Variants in GRIN2A observed in about 807,000 individuals in gnomAD.
GRIN2A encodes the protein glutamate receptor ionotropic, NMDA 2A.
A neutral mutation model predicts 113.4 loss-of-function variants in GRIN2A; 22 were observed. The ratio of observed to expected loss-of-function variants is 0.19; its 90% CI spans 0.14 to 0.28. The LOEUF is 0.28. Among genes scored for constraint, GRIN2A ranks in the 10% least tolerant of loss-of-function variants. The pLI, the probability that GRIN2A is intolerant of heterozygous loss-of-function variation, is 1.00. For synonymous variants in GRIN2A, 827 were observed against 738.4 expected (o/e 1.12, Z -1.94); for missense variants, 1,502 against 1,887.0 (o/e 0.80, Z 3.78).
chr16:9,891,576 C>T (rs931749677), intron 3 of GRIN2A, among the ~76,000 whole-genome samples: 3 of 152,158 alleles, frequency 2.0e-5, no homozygotes, highest in African/African-American at 7.2e-5. Context: ...TTCCCACCCT[C>T]AAGAAGTTTA....
chr16:10,043,682 A>C (rs1415427836), intron 2 of GRIN2A, among the ~76,000 whole-genome samples: 1 of 152,068 alleles, frequency 6.6e-6, no homozygotes, highest in African/African-American at 2.4e-5. Context: ...CACACAGCTT[A>C]GTGCTGAAGG....
At chr16:10,006,574 G>A (rs537352414) in intron 2 of GRIN2A, among the ~76,000 whole-genome samples, 204 of 152,056 alleles carry the variant, frequency 1.3e-3, no homozygotes, top group Non-Finnish European at 2.3e-3. Context: ...CATAATAATC[G>A]CATCAGGGTA....
intron 3 of GRIN2A, among the ~76,000 whole-genome samples, chr16:9,902,544 T>G (rs983714004): frequency 5.3e-5 from 8 of 152,212 alleles, no homozygotes; most frequent in African/African-American, 1.9e-4. Flanking sequence ...TTCTGCCATT[T>G]AAAAAAATAA....
chr16:9,942,990 A>G (rs2044923834), intron 2 of GRIN2A: 1 of 152,188 alleles, frequency 6.6e-6, no homozygotes, highest in South Asian at 2.1e-4. Context: ...TCCTAAGGTG[A>G]TTTTATGAAC....
At chr16:9,813,443 T>A (rs1284842518) in intron 10 of GRIN2A, among the ~76,000 whole-genome samples, 1 of 152,084 alleles carries the variant, frequency 6.6e-6, no homozygotes, top group Non-Finnish European at 1.5e-5. Context: ...TAAAAAGATG[T>A]AAAGTCCATC....
At chr16:10,014,687 G>C (rs755136509) in intron 2 of GRIN2A, among the ~76,000 whole-genome samples, 8 of 152,148 alleles carry the variant, frequency 5.3e-5, no homozygotes, top group Non-Finnish European at 1.2e-4. Flanking sequence ...CCCAGACAAA[G>C]GGAAACTCAT....
chr16:9,951,174 T>G (rs1430355379), intron 2 of GRIN2A, among the ~76,000 whole-genome samples: 2 of 152,110 alleles, frequency 1.3e-5, no homozygotes, highest in Non-Finnish European at 2.9e-5. Flanking sequence ...CTGGAAGCAA[T>G]GCATCCACAG....
intron 2 of GRIN2A, among the ~76,000 whole-genome samples, chr16:9,964,145 C>G (rs9926117): frequency 0.32 from 49,297 of 152,066 alleles, 8,558 homozygotes; most frequent in African/African-American, 0.4. Context: ...GAGGAGGCAA[C>G]AGCATCCTTG....
At chr16:9,889,754 A>AT (rs1243094068) in intron 4 of GRIN2A, among the ~76,000 whole-genome samples, 1 of 151,734 alleles carries the variant, frequency 6.6e-6, no homozygotes, top group Non-Finnish European at 1.5e-5. Flanking sequence ...ATATTTGGAG[A>AT]TTTTCTAGAT....
rs1191297706 is a variant in GRIN2A at position 9,829,651 on chromosome 16, T to C, written c.1779A>G (p.Ala593=). The change falls in exon 9 of 13, where the codon GCA becomes GCG. Residue 593 remains alanine, a splice_region_variant and synonymous_variant. Coordinates refer to ENST00000330684, the MANE Select transcript of GRIN2A (RefSeq NM_001134407.3). ...CAATTGTAAAAGAAGGCCCATGGGGTGCTGCAGAAGATGAAAAGGACATTC... is the reference window on the plus strand; with the variant it reads ...CAATTGTAAAAGAAGGCCCATGGGGCGCTGCAGAAGATGAAAAGGACATTC... The part of the protein sequence containing the change: ...GYNRNLAKGK[A]PHGPSFTIGK... 3 of 1,607,660 alleles carry C rather than the reference T, an allele frequency of 1.9e-6. No homozygotes were observed. The African/African-American group carries it at 4.0e-5, about 22-fold the overall frequency.
At chr16:10,109,735 T>A (rs899818495) in intron 2 of GRIN2A, among the ~76,000 whole-genome samples, 2 of 151,402 alleles carry the variant, frequency 1.3e-5, no homozygotes, top group South Asian at 4.2e-4. Context: ...TAACAAAAAA[T>A]ATATAATTGG....
At chr16:10,040,130 A>G (rs2047132838) in intron 2 of GRIN2A, among the ~76,000 whole-genome samples, 1 of 28,904 alleles carries the variant, frequency 3.5e-5, no homozygotes, top group Non-Finnish European at 7.0e-5. Context: ...CACTACACAC[A>G]TTCACACCAC....
intron 2 of GRIN2A, among the ~76,000 whole-genome samples, chr16:10,083,058 G>C (rs892341398): frequency 6.6e-6 from 1 of 152,146 alleles, no homozygotes; most frequent in Non-Finnish European, 1.5e-5. Context: ...CATAGGAAGA[G>C]GAACAAGTTT....
At chr16:9,949,045 T>C (rs1432843045) in intron 2 of GRIN2A, among the ~76,000 whole-genome samples, 1 of 152,164 alleles carries the variant, frequency 6.6e-6, no homozygotes, top group Non-Finnish European at 1.5e-5. Flanking sequence ...GGTAGGGGAC[T>C]AATGTGGGAG....
At position 10,047,084 on chromosome 16, in the gene GRIN2A, A is replaced by T. The variant is rs116992681; in HGVS notation, c.415-108533T>A. 5.2e-4 allele frequency among the ~76,000 whole-genome samples: 79 copies of T among 152,318 alleles called. 1 individual carries two copies. Among genetic ancestry groups the T allele is most frequent in the Non-Finnish European group, 9.4e-4 (64 of 68,016 alleles). ...CAAAGCTGTCTCCACACATTGCCAA[A>T]CAGAGAACATTTGTCCCTGAAGGAT... On this transcript the variant is annotated intron_variant, in intron 2 of 12. Transcript: ENST00000330684.
At chr16:10,146,167 G>A (rs542588948) in intron 2 of GRIN2A, among the ~76,000 whole-genome samples, 1 of 152,238 alleles carries the variant, frequency 6.6e-6, no homozygotes, top group Non-Finnish European at 1.5e-5. Flanking sequence ...GCCCAGACTG[G>A]AGTGCAGTGG....
At chr16:9,998,744 T>G (rs952243833) in intron 2 of GRIN2A, among the ~76,000 whole-genome samples, 9 of 152,034 alleles carry the variant, frequency 5.9e-5, no homozygotes, top group African/African-American at 1.9e-4. Context: ...CTCTCTCTCC[T>G]TCTCCCTCCC....
chr16:10,116,139 A>G (rs1025519132), intron 2 of GRIN2A, among the ~76,000 whole-genome samples: 5 of 152,240 alleles, frequency 3.3e-5, no homozygotes, highest in Admixed American at 1.3e-4. Context: ...CTATCCAGCC[A>G]TAAAAAGGAA....
intron 2 of GRIN2A, among the ~76,000 whole-genome samples, chr16:10,157,118 G>A (rs906180888): frequency 3.3e-5 from 5 of 152,106 alleles, no homozygotes; most frequent in East Asian, 1.9e-4. Context: ...AGAGCTTCCC[G>A]TATAAGCAGG....
Sources: allele counts gnomAD v4.1 joint callset (sites outside exome capture counted in the v4.1 genomes callset), GRCh38; gene constraint gnomAD v4.1.1; transcripts MANE v1.5; gene names NCBI Gene and HGNC (gene_info 2026-07-23, HGNC 2026-07-21).